Variants in ASIC2 observed in about 807,000 individuals in gnomAD.
ASIC2 encodes the protein acid sensing ion channel subunit 2, also known as acid-sensing ion channel 2.
A neutral mutation model predicts 57.3 loss-of-function variants in ASIC2; 25 were observed. The observed-to-expected ratio is 0.44, with a 90% CI of 0.32 to 0.61. The LOEUF is 0.61. ASIC2 is among the 20% of genes least tolerant of loss of function. The pLI is 0.06. For synonymous variants in ASIC2, 319 were observed against 307.5 expected (o/e 1.04, Z -0.39); for missense variants, 641 against 738.1 (o/e 0.87, Z 1.52).
intron 1 of ASIC2, among the ~76,000 whole-genome samples, chr17:33,727,452 C>G (rs771446526): frequency 2.0e-4 from 31 of 152,152 alleles, no homozygotes; most frequent in Admixed American, 3.3e-4. Flanking sequence ...CTGCCCAAAC[C>G]TCATGTCAAA....
intron 1 of ASIC2, among the ~76,000 whole-genome samples, chr17:33,928,200 T>G (rs1453248851): frequency 6.6e-6 from 1 of 152,206 alleles, no homozygotes; most frequent in Non-Finnish European, 1.5e-5. Context: ...GAAACCCATG[T>G]TATTTCAGAG....
rs117757672 is a variant in ASIC2 at position 33,351,721 on chromosome 17, G to C, written c.556-239654C>G. On this transcript the variant is annotated intron_variant, in intron 1 of 9. Transcript: ENST00000359872. ...CTTTAAGTCTCACAGAAAATTTTCA[G>C]GGGAAATTAAAGCCTTGGGAAGACC... Among the ~76,000 whole-genome samples the C allele has an allele frequency of 2.8e-4, 43 of 152,298 alleles. 1 individual carries two copies. The East Asian group carries it at 8.1e-3, about 29-fold the overall frequency.
chr17:33,308,243 C>A (rs1906264218), intron 1 of ASIC2, among the ~76,000 whole-genome samples: 1 of 152,216 alleles, frequency 6.6e-6, no homozygotes, highest in Non-Finnish European at 1.5e-5. Flanking sequence ...TTTTCTTTCA[C>A]TGATGGCAAA....
chr17:33,809,841 T>C (rs1389867963), intron 1 of ASIC2, among the ~76,000 whole-genome samples: 1 of 152,252 alleles, frequency 6.6e-6, no homozygotes, highest in Non-Finnish European at 1.5e-5. Context: ...GCATCACTAA[T>C]AGATCACAGC....
intron 1 of ASIC2, among the ~76,000 whole-genome samples, chr17:34,055,029 T>G (rs533328988): frequency 3.9e-5 from 6 of 152,248 alleles, no homozygotes; most frequent in Admixed American, 3.9e-4. Flanking sequence ...TGGAAAAATC[T>G]TGGCATACTT....
chr17:33,083,314 G>A (rs1479199353), intron 3 of ASIC2, among the ~76,000 whole-genome samples: 1 of 151,974 alleles, frequency 6.6e-6, no homozygotes, highest in Non-Finnish European at 1.5e-5. Context: ...AGAGGTAGGT[G>A]TCAGGAGCAG....
intron 1 of ASIC2, among the ~76,000 whole-genome samples, chr17:33,233,180 C>T (rs556580034): frequency 1.3e-5 from 2 of 151,184 alleles, no homozygotes; most frequent in African/African-American, 4.9e-5. Flanking sequence ...CTGGGTAAGC[C>T]ATCAACTTCA....
At chr17:33,208,955 G>A (rs533342929) in intron 1 of ASIC2, among the ~76,000 whole-genome samples, 3 of 152,124 alleles carry the variant, frequency 2.0e-5, no homozygotes, top group South Asian at 2.1e-4. Flanking sequence ...CTCATTTCCC[G>A]GCCTTCTCTA....
chr17:33,066,989 A>G (rs1002321267), intron 3 of ASIC2, among the ~76,000 whole-genome samples: 1 of 152,132 alleles, frequency 6.6e-6, no homozygotes, highest in Non-Finnish European at 1.5e-5. Context: ...TAAACCTGGG[A>G]TTGTAAAATG....
At chr17:33,547,313 A>G (rs1417809582) in intron 1 of ASIC2, among the ~76,000 whole-genome samples, 1 of 152,186 alleles carries the variant, frequency 6.6e-6, no homozygotes, top group Non-Finnish European at 1.5e-5. Flanking sequence ...TGATCAAGAA[A>G]TAAACTTTTA....
intron 1 of ASIC2, among the ~76,000 whole-genome samples, chr17:34,123,943 G>A (rs1018978410): frequency 6.6e-6 from 1 of 152,098 alleles, no homozygotes; most frequent in African/African-American, 2.4e-5. Context: ...TTAGCTGGGT[G>A]CGGTGGTGTG....
intron 3 of ASIC2, among the ~76,000 whole-genome samples, chr17:33,080,447 T>C (rs2092108597): frequency 6.6e-6 from 1 of 152,086 alleles, no homozygotes; most frequent in Non-Finnish European, 1.5e-5. Flanking sequence ...AAGCGAGTAC[T>C]GCAGGCCCCC....
chr17:33,284,599 T>A (rs1300442681), intron 1 of ASIC2, among the ~76,000 whole-genome samples: 1 of 152,142 alleles, frequency 6.6e-6, no homozygotes, highest in Non-Finnish European at 1.5e-5. Flanking sequence ...AGTGGTACCC[T>A]CTATGAAAGG....
chr17:33,709,030 A>G (rs2073005853), intron 1 of ASIC2, among the ~76,000 whole-genome samples: 1 of 152,224 alleles, frequency 6.6e-6, no homozygotes, highest in Non-Finnish European at 1.5e-5. Flanking sequence ...TGCCATCAAC[A>G]GAACCTTTAA....
chr17:33,128,474 G>A (rs1331465800), intron 1 of ASIC2, among the ~76,000 whole-genome samples: 1 of 152,200 alleles, frequency 6.6e-6, no homozygotes, highest in African/African-American at 2.4e-5. Flanking sequence ...GCATGCAAGA[G>A]GTTTACTGGG....
At chr17:33,920,252 C>G (rs1174159364) in intron 1 of ASIC2, among the ~76,000 whole-genome samples, 5 of 152,136 alleles carry the variant, frequency 3.3e-5, no homozygotes, top group African/African-American at 1.2e-4. Flanking sequence ...AAGACACATG[C>G]ACTTGTATGT....
intron 1 of ASIC2, among the ~76,000 whole-genome samples, chr17:34,153,006 T>A (rs1904584284): frequency 6.6e-6 from 1 of 152,208 alleles, no homozygotes; most frequent in African/African-American, 2.4e-5. Flanking sequence ...GAAGCACACC[T>A]GTTTACATTG....
chr17:33,415,208 T>A, intron 1 of ASIC2, among the ~76,000 whole-genome samples: 1 of 151,346 alleles, frequency 6.6e-6, no homozygotes, highest in African/African-American at 2.4e-5. Context: ...GAGTCATCGC[T>A]TGGAATCTAC....
intron 1 of ASIC2, among the ~76,000 whole-genome samples, chr17:33,614,827 C>T (rs1193867228): frequency 6.6e-6 from 1 of 152,190 alleles, no homozygotes; most frequent in Non-Finnish European, 1.5e-5. Flanking sequence ...AGTATGGACT[C>T]TTGAATCAGA....
Sources: allele counts gnomAD v4.1 joint callset (sites outside exome capture counted in the v4.1 genomes callset), GRCh38; gene constraint gnomAD v4.1.1; transcripts MANE v1.5; gene names NCBI Gene and HGNC (gene_info 2026-07-23, HGNC 2026-07-21).